SETDB1: variants seen among roughly 807,000 people sequenced by gnomAD.
SETDB1 encodes histone-lysine N-methyltransferase SETDB1.
SETDB1 carries 31 observed loss-of-function variants against 137.4 expected under a neutral mutation model. The ratio of observed to expected loss-of-function variants is 0.23; its 90% CI spans 0.17 to 0.30. The LOEUF is 0.30. Among genes scored for constraint, SETDB1 ranks in the 10% least tolerant of loss-of-function variants. The pLI, the probability that SETDB1 is intolerant of heterozygous loss-of-function variation, is 1.00. For missense variants in SETDB1, 1,113 were observed against 1,631.5 expected (o/e 0.68, Z 5.47); for synonymous variants, 548 against 579.9 (o/e 0.95, Z 0.79).
intron 3 of SETDB1, among the ~76,000 whole-genome samples, chr1:150,935,568 G>A (rs957006583): frequency 5.3e-5 from 8 of 152,068 alleles, no homozygotes; most frequent in African/African-American, 1.9e-4. Context: ...GCTTTGGATT[G>A]GATAATTTCT....
chr1:150,927,285 G>A (rs1669558118), intron 1 of SETDB1, among the ~76,000 whole-genome samples: 1 of 152,042 alleles, frequency 6.6e-6, no homozygotes. Context: ...ACCACCACAC[G>A]TGGCTAATTT....
chr1:150,960,173 C>T (rs1160736505), intron 15 of SETDB1, among the ~76,000 whole-genome samples: 1 of 151,622 alleles, frequency 6.6e-6, no homozygotes, highest in Non-Finnish European at 1.5e-5. Flanking sequence ...AATCCTTATT[C>T]TTTCTAATAG....
intron 4 of SETDB1, 65 bp downstream of exon 4, chr1:150,940,039 T>A: frequency 8.0e-7 from 1 of 1,242,854 alleles, no homozygotes; most frequent in Non-Finnish European, 1.2e-6. Context: ...TTTTTTGGCC[T>A]AACCATTTAA....
At position 150,931,261 on chromosome 1, in the gene SETDB1, C is replaced by CAAA. The variant is rs767694682; in HGVS notation, c.412+1161_412+1163dup. Among the ~76,000 whole-genome samples the CAAA allele has an allele frequency of 2.6e-3, 177 of 67,474 alleles. 3 individuals carry two copies. Among genetic ancestry groups the CAAA allele is most frequent in the African/African-American group, 6.6e-3 (150 of 22,774 alleles). 44.3% of individuals were successfully genotyped at this position (67,474 alleles called of 152,430 possible). A position where few individuals can be genotyped will look rare whatever the true frequency, so the allele number is the denominator to read the frequency against. ...GGTGACAAAGCAAGACTCTTGTCTT[C>CAAA]AAAAAAAAAAAAAAAAAAAAGGGTT... is the stretch of plus-strand genomic sequence containing the variant. On this transcript the variant is annotated intron_variant, in intron 3 of 21. Transcript: ENST00000692827.
intron 1 of SETDB1, among the ~76,000 whole-genome samples, chr1:150,927,194 A>G (rs1669554067): frequency 6.6e-6 from 1 of 152,156 alleles, no homozygotes; most frequent in African/African-American, 2.4e-5. Context: ...TGGCGCGAAC[A>G]TAGCTCACTA....
In SETDB1 at chr1:150,946,993, C is replaced by T. The variant is rs587766231; in HGVS notation, c.1248C>T (p.Leu416=). ...ASALEKKQGQ[L]RTRPNMGAVR... is the part of the protein sequence containing the mutation. ...CACTGGAGAAGAAGCAAGGACAGCTCAGGACACGTCCAAATATGGGTATGT... is the reference window on the plus strand; with the variant it reads ...CACTGGAGAAGAAGCAAGGACAGCTTAGGACACGTCCAAATATGGGTATGT... Residue 416 remains leucine (L), a synonymous_variant, in exon 10 of 22, where the codon CTC becomes CTT. Transcript: ENST00000692827. The T allele has an allele frequency of 3.1e-6, 5 of 1,613,992 alleles. No homozygotes were observed. The African/African-American group carries it at 6.7e-5, about 22-fold the overall frequency.
intron 9 of SETDB1, among the ~76,000 whole-genome samples, chr1:150,945,882 T>C (rs1438659049): frequency 6.6e-6 from 1 of 152,156 alleles, no homozygotes; most frequent in Non-Finnish European, 1.5e-5. Context: ...TTTGTATTTT[T>C]AGTAGAGACG....
chr1:150,961,109 G>A lies in SETDB1; in HGVS notation c.3050G>A (p.Gly1017Glu). The change falls in exon 16 of 22, where the codon GGA becomes GAA. Residue 1017 changes from glycine to glutamate, a missense_variant. Gly to Glu is a moderately conservative substitution (Grantham distance 98). This residue lies in a region of SETDB1 where 373 missense variants were observed against 412.7 expected (regional missense o/e 0.90). Coordinates refer to ENST00000692827, the MANE Select transcript of SETDB1 (RefSeq NM_001366418.1). Reference sequence around the variant, plus strand: ...GAAGGTGGGGAGGGCCGGGCTGGGGGAAGCCGAATGGAGGCTGAGAAGGCC... The same window carrying A: ...GAAGGTGGGGAGGGCCGGGCTGGGGAAAGCCGAATGGAGGCTGAGAAGGCC... ...TNEGGEGRAG[G>E]SRMEAEKAST... 1 of 1,614,082 alleles carries A rather than the reference G, an allele frequency of 6.2e-7. No homozygotes were observed. Among genetic ancestry groups the A allele is most frequent in the Non-Finnish European group, 8.5e-7 (1 of 1,179,976 alleles).
At chr1:150,955,464 G>A (rs1670609633) in intron 14 of SETDB1, among the ~76,000 whole-genome samples, 1 of 152,126 alleles carries the variant, frequency 6.6e-6, no homozygotes, top group Non-Finnish European at 1.5e-5. Context: ...GTGTTTTCCA[G>A]CCTGCCTCTG....
At position 150,949,460 on chromosome 1, in the gene SETDB1, C is replaced by T. The variant is rs1040479269; in HGVS notation, c.1518C>T (p.Ser506=). 6.2e-7 allele frequency: 1 copy of T among 1,614,096 alleles called. No homozygotes were observed. The highest frequency in any genetic ancestry group is 8.5e-7 in the Non-Finnish European group (1 of 1,179,996). The change falls in exon 12 of 22, where the codon TCC becomes TCT. Residue 506 remains serine (S), a synonymous_variant. Coordinates refer to ENST00000692827, the MANE Select transcript of SETDB1 (RefSeq NM_001366418.1). ...RPGSVGSGHS[S]PTSPALSENV... ...GATCTGTGGGCTCTGGTCATTCCTC[C>T]CCTACATCTCCTGCACTCAGTGAAA...
intron 14 of SETDB1, among the ~76,000 whole-genome samples, chr1:150,952,839 A>G (rs1370555016): frequency 6.6e-6 from 1 of 152,144 alleles, no homozygotes; most frequent in Non-Finnish European, 1.5e-5. Flanking sequence ...GTGAGCTAAG[A>G]TCGCACCATT....
At chr1:150,937,112 A>G (rs938587389) in intron 3 of SETDB1, among the ~76,000 whole-genome samples, 1 of 151,974 alleles carries the variant, frequency 6.6e-6, no homozygotes, top group Non-Finnish European at 1.5e-5. Flanking sequence ...ATGACAGAGT[A>G]AGAATCTGTC....
chr1:150,932,978 TTC>T (rs1364283121), intron 3 of SETDB1, among the ~76,000 whole-genome samples: 1 of 152,152 alleles, frequency 6.6e-6, no homozygotes, highest in African/African-American at 2.4e-5. Flanking sequence ...TTTGATATCT[TTC>T]TGTTGTTAAT....
chr1:150,942,733 C>G, intron 6 of SETDB1, 45 bp downstream of exon 6: 1 of 1,600,010 alleles, frequency 6.2e-7, no homozygotes, highest in East Asian at 2.2e-5. Context: ...GCAACCTGCA[C>G]CCTCCACTGC....
At chr1:150,943,381 AAT>A (rs1670223239) in intron 7 of SETDB1, among the ~76,000 whole-genome samples, 1 of 152,212 alleles carries the variant, frequency 6.6e-6, no homozygotes, top group South Asian at 2.1e-4. Flanking sequence ...GAGGAAAAAG[AAT>A]ATATGTTTTT....
intron 4 of SETDB1, 133 bp from the exon 5 acceptor site, chr1:150,941,196 A>G: frequency 1.7e-6 from 1 of 586,128 alleles, no homozygotes. Flanking sequence ...TTTGCCAGAT[A>G]AAGTAACCAT....
At position 150,933,779 on chromosome 1, in the gene SETDB1, CTTTTTTTTT is replaced by C. The variant is rs890205371; in HGVS notation, c.412+3673_412+3681del. Reference sequence around the variant, plus strand: ...TCTTTTTCTTTTTCTTTTTCTTTTTCTTTTTTTTTTTTTTTTTTTTGAGATGGAGTTTTC... The same window carrying C: ...TCTTTTTCTTTTTCTTTTTCTTTTTCTTTTTTTTTTTGAGATGGAGTTTTC... On this transcript the variant is annotated intron_variant, in intron 3 of 21. Transcript: ENST00000692827. Among the ~76,000 whole-genome samples the C allele has an allele frequency of 1.0e-3, 21 of 20,114 alleles. 1 individual carries two copies. Among genetic ancestry groups the C allele is most frequent in the African/African-American group, 1.7e-3 (19 of 11,152 alleles). The allele number at this position is 20,114 out of a possible 152,430, so 13.2% of individuals were successfully genotyped here.
intron 14 of SETDB1, among the ~76,000 whole-genome samples, chr1:150,952,158 AAAAG>A (rs1670508120): frequency 6.6e-6 from 1 of 152,036 alleles, no homozygotes; most frequent in Non-Finnish European, 1.5e-5. Context: ...TAAAAAAAAA[AAAAG>A]AAAAGTTAGA....
intron 3 of SETDB1, among the ~76,000 whole-genome samples, chr1:150,939,637 T>C (rs1670068525): frequency 6.6e-6 from 1 of 152,000 alleles, no homozygotes; most frequent in East Asian, 1.9e-4. Flanking sequence ...ATTTTTTTTT[T>C]AAGAGACAGG....
Sources: allele counts gnomAD v4.1 joint callset (sites outside exome capture counted in the v4.1 genomes callset), GRCh38; gene constraint gnomAD v4.1.1; regional missense constraint gnomAD v4.1.1; transcripts MANE v1.5; gene names NCBI Gene and HGNC (gene_info 2026-07-23, HGNC 2026-07-21).